Variants in VPS9D1 observed in about 807,000 individuals in gnomAD.
VPS9D1 encodes the protein VPS9 domain containing 1.
VPS9D1 carries 78 observed loss-of-function variants against 75.8 expected under a neutral mutation model. The ratio of observed to expected loss-of-function variants is 1.03; its 90% CI spans 0.86 to 1.24. The LOEUF is 1.24. Among genes scored for constraint, VPS9D1 ranks in the 50% most tolerant of loss-of-function variants. The pLI, the probability that VPS9D1 is intolerant of heterozygous loss-of-function variation, is 0.00. For missense variants in VPS9D1, 1,057 were observed against 847.7 expected, an observed-to-expected ratio of 1.25 and a Z score of -3.07; for synonymous variants, 481 against 385.6, an observed-to-expected ratio of 1.25 and a Z score of -2.90.
chr16:89,717,280 G>C (rs1378528818), intron 2 of VPS9D1: 56 of 321,736 alleles, frequency 1.7e-4, no homozygotes, highest in African/African-American at 1.1e-3. Flanking sequence ...CCTCATCGAG[G>C]CCCGTCACAG....
intron 2 of VPS9D1, 177 bp from the exon 3 acceptor site, chr16:89,716,999 C>A: frequency 2.2e-6 from 1 of 448,142 alleles, no homozygotes; most frequent in Non-Finnish European, 3.6e-6. Flanking sequence ...AAGCCCACTG[C>A]CCCCCCATCC....
At chr16:89,718,997 A>G in intron 2 of VPS9D1, 30 bp downstream of exon 2, 1 of 1,601,962 alleles carries the variant, frequency 6.2e-7, no homozygotes, top group Non-Finnish European at 8.5e-7. Context: ...TACAGGCGTG[A>G]GCCACCGCGC....
Position 89,708,458 on chromosome 16 carries a change from A to G in VPS9D1, c.1771T>C (p.Cys591Arg). 2 of 1,612,786 alleles carry G rather than the reference A, an allele frequency of 1.2e-6. No homozygotes were observed. The highest frequency in any genetic ancestry group is 1.7e-6 in the Non-Finnish European group (2 of 1,179,836). Reference sequence around the variant, plus strand: ...TGGATGAACTCCTCCAGGGCCGCGCACTCCGACACCAGCTGAGGGAGGCCG... The same window carrying G: ...TGGATGAACTCCTCCAGGGCCGCGCGCTCCGACACCAGCTGAGGGAGGCCG... ...RSGLPQLVSE[C>R]AALEEFIHEG... The change falls in exon 14 of 15, where the codon TGC becomes CGC. Residue 591 changes from cysteine (C) to arginine (R), a missense_variant. By Grantham distance (180) the Cys-to-Arg change is radical. Coordinates refer to ENST00000389386, the MANE Select transcript of VPS9D1 (RefSeq NM_004913.3).
At chr16:89,714,032 G>C (rs1040778330) in intron 4 of VPS9D1, among the ~76,000 whole-genome samples, 2 of 152,082 alleles carry the variant, frequency 1.3e-5, no homozygotes, top group African/African-American at 4.8e-5. Context: ...CGCCTCCTGG[G>C]TTCAAGTGAT....
chr16:89,720,472 C>T (rs1702433914), intron 1 of VPS9D1: 4 of 1,094,274 alleles, frequency 3.7e-6, no homozygotes, highest in South Asian at 4.4e-5. Context: ...TGGAAGGTGG[C>T]CTGGCGGACC....
In VPS9D1 at chr16:89,707,969, G is replaced by A. The variant is rs1354086811; in HGVS notation, c.1803-15C>T. 6.2e-7 allele frequency: 1 copy of A among 1,611,210 alleles called. No individual in the cohort carries two copies. The highest frequency in any genetic ancestry group is 8.5e-7 in the Non-Finnish European group (1 of 1,178,598). Reference sequence around the variant, plus strand: ...CGATCAGGTACCTGCATGGATGGCAGGGGCAGCCGGTGTCATCTGAACGAA... The same window carrying A: ...CGATCAGGTACCTGCATGGATGGCAAGGGCAGCCGGTGTCATCTGAACGAA... On this transcript the variant is annotated splice_polypyrimidine_tract_variant and intron_variant, in intron 14 of 14. Transcript: ENST00000389386.
chr16:89,716,616 G>T lies in VPS9D1; in HGVS notation c.277C>A (p.Arg93Ser). 1.2e-6 allele frequency: 2 copies of T among 1,612,970 alleles called. No homozygotes were observed. Among genetic ancestry groups the T allele is most frequent in the Non-Finnish European group, 8.5e-7 (1 of 1,179,268 alleles). The change falls in exon 4 of 15, where the codon CGC (arginine) becomes AGC (serine). Residue 93 changes from arginine (R) to serine (S), a missense_variant. Physicochemically the swap from Arg to Ser is moderately radical, Grantham distance 110. Transcript: ENST00000389386. ...GCTGCAGGCATGGTTGGCTTCAGGC[G>T]TGTTTTCCCTGCAAGCCATGGGTAA... ...QSTAAKLGKT[R>S]LKPTMPAAAP...
chr16:89,716,771 T>C lies in VPS9D1; in HGVS notation c.227A>G (p.Gln76Arg). Residue 76 changes from glutamine to arginine, a missense_variant, in exon 3 of 15, where the codon CAG becomes CGG. By Grantham distance (43) the Gln-to-Arg change is conservative. Transcript: ENST00000389386. ...CGACTGGGCCCTCTCCAGACACTGC[T>C]GTGCTAGCTTCAGCATCTTGGAGGT... is the stretch of plus-strand genomic sequence containing the variant. Reference protein sequence around the residue: ...PDTSKMLKLAQQCLERAQSTA... With the variant: ...PDTSKMLKLARQCLERAQSTA... 1 of 1,594,346 alleles carries C rather than the reference T, an allele frequency of 6.3e-7. No homozygotes were observed. The highest frequency in any genetic ancestry group is 8.5e-7 in the Non-Finnish European group (1 of 1,174,016).
chr16:89,711,887 C>T lies in VPS9D1; in HGVS notation c.742G>A (p.Asp248Asn), dbSNP rs1396911383. ...LYAAILEYEQ[D>N]HDWPKHWKAK... Reference sequence around the variant, plus strand: ...TGGGCCCGTGGGGGACGCACATGGTCCTGTTCGTACTCCAGGATGGCGGCG... The same window carrying T: ...TGGGCCCGTGGGGGACGCACATGGTTCTGTTCGTACTCCAGGATGGCGGCG... Residue 248 changes from aspartate (D) to asparagine (N), a missense_variant, in exon 8 of 15, where the codon GAC (aspartate) becomes AAC (asparagine). By Grantham distance (23) the Asp-to-Asn change is conservative (BLOSUM62 1). Coordinates refer to ENST00000389386, the MANE Select transcript of VPS9D1 (RefSeq NM_004913.3). 4.5e-6 allele frequency: 7 copies of T among 1,550,742 alleles called. No individual in the cohort carries two copies. The highest frequency in any genetic ancestry group is 6.1e-6 in the Non-Finnish European group (7 of 1,146,842).
rs766500283 is a variant in VPS9D1 at position 89,711,351 on chromosome 16, G to A, written c.809C>T (p.Thr270Ile). The change falls in exon 9 of 15, where the codon ACC becomes ATC. Residue 270 changes from threonine (T) to isoleucine (I), a missense_variant. Thr to Ile is a moderately conservative substitution (Grantham distance 89, BLOSUM62 -1). Transcript: ENST00000389386. The stretch of plus-strand genomic sequence containing the variant: ...CCTGAGCAGGTGTGAGACCAGGCTG[G>A]TCACGAGTGACAGGTCCCCCGGATT... Reference protein sequence around the residue: ...KRNPGDLSLVTSLVSHLLSLP... With the variant: ...KRNPGDLSLVISLVSHLLSLP... The A allele has an allele frequency of 8.7e-6, 14 of 1,611,038 alleles. No homozygotes were observed. The highest frequency in any genetic ancestry group is 1.2e-5 in the Non-Finnish European group (14 of 1,178,796).
chr16:89,716,544 C>T lies in VPS9D1; in HGVS notation c.349G>A (p.Asp117Asn). Reference protein sequence around the residue: ...PAGRHRRVYSDEGGKLSPFLP... With the variant: ...PAGRHRRVYSNEGGKLSPFLP... ...AAAGGAGAGAGCTTTCCTCCTTCAT[C>T]GGAGTATACACGGCGGTGTCGGCCG... Residue 117 changes from aspartate to asparagine, a missense_variant, in exon 4 of 15, where the codon GAT (aspartate) becomes AAT (asparagine). Physicochemically the swap from Asp to Asn is conservative, Grantham distance 23 (BLOSUM62 1). Transcript: ENST00000389386. 10 of 1,614,072 alleles carry T rather than the reference C, an allele frequency of 6.2e-6. No homozygotes were observed. Among genetic ancestry groups the T allele is most frequent in the South Asian group, 2.2e-5 (2 of 91,082 alleles).
chr16:89,708,484 C>T lies in VPS9D1; in HGVS notation c.1745G>A (p.Ser582Asn), dbSNP rs770607008. Residue 582 changes from serine (S) to asparagine (N), a missense_variant, in exon 14 of 15, where the codon AGC becomes AAC. By Grantham distance (46) the Ser-to-Asn change is conservative. Coordinates refer to ENST00000389386, the MANE Select transcript of VPS9D1 (RefSeq NM_004913.3). ...LPILSFVVLR[S>N]GLPQLVSECA... is the part of the protein sequence containing the mutation. The stretch of plus-strand genomic sequence containing the variant: ...CTCCGACACCAGCTGAGGGAGGCCG[C>T]TCCTCAGCACCACGAAGGACAGGAT... The T allele has an allele frequency of 6.2e-7, 1 of 1,613,152 alleles. No individual in the cohort carries two copies. Among genetic ancestry groups the T allele is most frequent in the South Asian group, 1.1e-5 (1 of 91,062 alleles).
chr16:89,712,145 T>C (rs2060946858), intron 6 of VPS9D1, 46 bp from the exon 7 acceptor site: 1 of 1,547,222 alleles, frequency 6.5e-7, no homozygotes, highest in Admixed American at 2.0e-5. Flanking sequence ...GAGCGGGCCC[T>C]CGGTTCCCAA....
chr16:89,713,578 C>G (rs1208089612), intron 4 of VPS9D1, among the ~76,000 whole-genome samples: 1 of 152,032 alleles, frequency 6.6e-6, no homozygotes, highest in African/African-American at 2.4e-5. Context: ...TCAAGAGAAG[C>G]TGGACCACTG....
In VPS9D1 at chr16:89,711,557, G is replaced by T. The variant is rs1484319113; in HGVS notation, c.748-145C>A. ...CCAGCGCCAGCAGGCCCCGCGACCC[G>T]CCCCCGCCCCCACCCACACCCGAGG... is the stretch of plus-strand genomic sequence containing the variant. On this transcript the variant is annotated intron_variant, in intron 8 of 14. Transcript: ENST00000389386. 3 of 640,376 alleles carry T rather than the reference G, an allele frequency of 4.7e-6. No individual in the cohort carries two copies. In the African/African-American group the frequency reaches 8.3e-5, roughly 18 times the overall value. 39.7% of individuals were successfully genotyped at this position (640,376 alleles called of 1,614,324 possible). A position where few individuals can be genotyped will look rare whatever the true frequency, so the allele number is the denominator to read the frequency against.
At position 89,710,935 on chromosome 16, in the gene VPS9D1, C is replaced by A; in HGVS notation, c.909G>T (p.Val303=). 6.7e-7 allele frequency: 1 copy of A among 1,482,262 alleles called. No individual in the cohort carries two copies. Among genetic ancestry groups the A allele is most frequent in the Non-Finnish European group, 8.9e-7 (1 of 1,121,754 alleles). The allele number at this position is 1,482,262 out of a possible 1,614,324, so 91.8% of individuals were successfully genotyped here. A position where few individuals can be genotyped will look rare whatever the true frequency, so the allele number is the denominator to read the frequency against. The change falls in exon 10 of 15, where the codon GTG becomes GTT. Residue 303 remains valine (V), a synonymous_variant. Transcript: ENST00000389386. ...CSVYSALYPA[V]SRAAAPAPGC... ...CTGGGGCTGGCGCGGCTGCTCTGCT[C>A]ACGGCGGGATACAGGGCGCTGTACA...
At chr16:89,717,179 C>T (rs192900384) in intron 2 of VPS9D1, among the ~76,000 whole-genome samples, 19 of 146,416 alleles carry the variant, frequency 1.3e-4, no homozygotes, top group Non-Finnish European at 2.6e-4. Context: ...GGCCCCTGCC[C>T]CCACCATGGA....
chr16:89,710,951 G>A lies in VPS9D1; in HGVS notation c.893C>T (p.Ala298Val). Residue 298 changes from alanine to valine, a missense_variant, in exon 10 of 15, where the codon GCC becomes GTC. Coordinates refer to ENST00000389386, the MANE Select transcript of VPS9D1 (RefSeq NM_004913.3). ...LRRLQCSVYS[A>V]LYPAVSRAAA... ...TGCTCTGCTCACGGCGGGATACAGGGCGCTGTACACGGAGCACTGCAGCCG... is the reference window on the plus strand; with the variant it reads ...TGCTCTGCTCACGGCGGGATACAGGACGCTGTACACGGAGCACTGCAGCCG... 6.8e-6 allele frequency: 10 copies of A among 1,471,418 alleles called. No homozygotes were observed. Among genetic ancestry groups the A allele is most frequent in the South Asian group, 1.4e-5 (1 of 73,180 alleles). The allele number at this position is 1,471,418 out of a possible 1,614,324, so 91.1% of individuals were successfully genotyped here. A position where few individuals can be genotyped will look rare whatever the true frequency, so the allele number is the denominator to read the frequency against.
rs537800491 is a variant in VPS9D1, at chr16:89,710,066, C to T, written c.1259-160G>A. ...CCTCCTCGGCCCAGGGCAGGGAGTC[C>T]GGGACTGGAAACGGTCACCTACAGC... On this transcript the variant is annotated intron_variant, in intron 10 of 14. Transcript: ENST00000389386. Among the ~76,000 whole-genome samples, 50 of 152,304 alleles carry T rather than the reference C, an allele frequency of 3.3e-4. No homozygotes were observed. Among genetic ancestry groups the T allele is most frequent in the African/African-American group, 1.1e-3 (44 of 41,568 alleles).
Sources: gnomAD v4.1 joint callset for allele counts (sites outside exome capture counted in the v4.1 genomes callset) on GRCh38, gnomAD v4.1.1 for gene constraint, MANE v1.5 for transcripts, NCBI Gene and HGNC (gene_info 2026-07-23, HGNC 2026-07-21) for gene names.